The following RBFOX2 variants were observed in gnomAD, a reference collection of about 807,000 sequenced individuals.
RBFOX2 encodes the protein RNA binding protein fox-1 homolog 2.
Under a neutral mutation model 49.1 loss-of-function variants are expected in RBFOX2, and 10 were observed. That is an observed-to-expected ratio of 0.20 (90% CI 0.13 to 0.35). The LOEUF (loss-of-function observed/expected upper bound fraction) is 0.35. RBFOX2 is among the 10% of genes least tolerant of loss of function. The probability of loss-of-function intolerance (pLI) is 1.00; values close to 1 mark genes in which losing one functional copy is unlikely to be tolerated. For missense variants in RBFOX2, 323 were observed against 486.9 expected (o/e 0.66, Z 3.17); for synonymous variants, 183 against 187.4 (o/e 0.98, Z 0.19).
At chr22:35,884,504 C>G (rs751067107) in intron 1 of RBFOX2, among the ~76,000 whole-genome samples, 50 of 152,270 alleles carry the variant, frequency 3.3e-4, no homozygotes, top group Non-Finnish European at 2.2e-4. Flanking sequence ...AACTCACTCA[C>G]CTGGCTGCTG....
intron 2 of RBFOX2, among the ~76,000 whole-genome samples, chr22:35,796,527 GA>G (rs760081516): frequency 3.3e-4 from 50 of 152,112 alleles, no homozygotes; most frequent in Non-Finnish European, 7.2e-4. Context: ...AGCCTTCTCA[GA>G]AAACTGTGGA....
At chr22:35,837,007 C>G (rs1957797191) in intron 1 of RBFOX2, among the ~76,000 whole-genome samples, 1 of 152,116 alleles carries the variant, frequency 6.6e-6, no homozygotes, top group Non-Finnish European at 1.5e-5. Context: ...TACACATGAA[C>G]AGCCGATAAA....
chr22:35,818,379 T>C (rs1380249950), intron 1 of RBFOX2, among the ~76,000 whole-genome samples: 1 of 152,250 alleles, frequency 6.6e-6, no homozygotes, highest in Non-Finnish European at 1.5e-5. Flanking sequence ...ACACAATCCA[T>C]GGAAAATTAT....
chr22:36,028,110 C>G, intron 1 of RBFOX2, 130 bp downstream of exon 1: 1 of 1,295,236 alleles, frequency 7.7e-7, no homozygotes, highest in Non-Finnish European at 9.8e-7. Context: ...CAACCAGGCC[C>G]CGAATGGCCC....
intron 2 of RBFOX2, among the ~76,000 whole-genome samples, chr22:35,798,456 A>G (rs1949175246): frequency 6.6e-6 from 1 of 152,248 alleles, no homozygotes; most frequent in Non-Finnish European, 1.5e-5. Context: ...CCTGTATTTA[A>G]ATCCTCACAC....
chr22:35,767,865 T>C (rs572036133), intron 5 of RBFOX2, among the ~76,000 whole-genome samples: 46 of 152,312 alleles, frequency 3.0e-4, no homozygotes, highest in Non-Finnish European at 4.9e-4. Context: ...TGTTATAAAC[T>C]GGATAGTTTT....
chr22:35,826,792 A>G (rs773760013), intron 1 of RBFOX2, among the ~76,000 whole-genome samples: 2 of 152,212 alleles, frequency 1.3e-5, no homozygotes, highest in Non-Finnish European at 2.9e-5. Flanking sequence ...TTAACAAATC[A>G]GGCACAGTAA....
At chr22:35,849,330 C>CACACAG (rs2041632023) in intron 1 of RBFOX2, among the ~76,000 whole-genome samples, 1 of 150,084 alleles carries the variant, frequency 6.7e-6, no homozygotes, top group Non-Finnish European at 1.5e-5. Flanking sequence ...CACACACACA[C>CACACAG]ACAGACACAC....
chr22:35,892,022 C>T (rs779474621), intron 1 of RBFOX2, among the ~76,000 whole-genome samples: 1 of 152,018 alleles, frequency 6.6e-6, no homozygotes, highest in Non-Finnish European at 1.5e-5. Context: ...TCAAAGATAC[C>T]CTCAACGTGA....
At chr22:35,894,541 T>C (rs1369168604) in intron 1 of RBFOX2, among the ~76,000 whole-genome samples, 4 of 152,116 alleles carry the variant, frequency 2.6e-5, no homozygotes, top group Non-Finnish European at 5.9e-5. Flanking sequence ...CTGCCCCACT[T>C]GCCTTCTCCA....
intron 1 of RBFOX2, among the ~76,000 whole-genome samples, chr22:35,900,173 G>C (rs758411241): frequency 7.9e-5 from 12 of 152,068 alleles, no homozygotes; most frequent in Non-Finnish European, 1.5e-4. Context: ...GAGTGCAGTG[G>C]CATGATCTCG....
At chr22:35,791,322 T>A (rs1260102332) in intron 2 of RBFOX2, among the ~76,000 whole-genome samples, 1 of 150,452 alleles carries the variant, frequency 6.6e-6, no homozygotes, top group East Asian at 2.0e-4. Context: ...GAGATGGAGG[T>A]TGCAGTGAGC....
At chr22:35,876,701 AACACACACACACACACAC>A (rs142455818) in intron 1 of RBFOX2, among the ~76,000 whole-genome samples, 2 of 140,456 alleles carry the variant, frequency 1.4e-5, no homozygotes, top group South Asian at 2.3e-4. Flanking sequence ...CATTAAAAGA[AACACACACACACACACAC>A]ACACACACAC....
chr22:35,876,384 T>C (rs1603430482), intron 1 of RBFOX2, among the ~76,000 whole-genome samples: 1 of 152,104 alleles, frequency 6.6e-6, no homozygotes, highest in South Asian at 2.1e-4. Context: ...AGCATTTTAG[T>C]GGTCTTTATT....
At chr22:35,970,477 A>T (rs1430793427) in intron 1 of RBFOX2, among the ~76,000 whole-genome samples, 1 of 138,266 alleles carries the variant, frequency 7.2e-6, no homozygotes, top group Non-Finnish European at 1.5e-5. Flanking sequence ...AGTGAGACCC[A>T]TCTCAAAAAA....
rs9607288 is a variant in RBFOX2, at chr22:35,813,446, A to G, written c.28-3442T>C. 6.0e-3 allele frequency among the ~76,000 whole-genome samples: 910 copies of G among 152,332 alleles called. 6 individuals carry two copies. The highest frequency in any genetic ancestry group is 0.027 in the Middle Eastern group (8 of 294). ...AGGCTAAGCTGCTTAAGTATATCTC[A>G]TCTGAGAAAAGAAATTACTAGCTTT... On this transcript the variant is annotated intron_variant, in intron 1 of 11. Coordinates refer to ENST00000405409, the Ensembl canonical transcript of RBFOX2.
intron 2 of RBFOX2, among the ~76,000 whole-genome samples, chr22:35,792,976 C>G (rs548901200): frequency 1.3e-5 from 2 of 152,320 alleles, no homozygotes; most frequent in South Asian, 2.1e-4. Flanking sequence ...GTTGCCCAGG[C>G]TGGTCTCAAA....
At chr22:35,754,009 C>A (rs1292547100) in intron 9 of RBFOX2, among the ~76,000 whole-genome samples, 2 of 151,292 alleles carry the variant, frequency 1.3e-5, no homozygotes, top group African/African-American at 4.9e-5. Flanking sequence ...TCTCGTACTC[C>A]TGACTTCAAG....
Position 35,906,477 on chromosome 22 carries a change from C to G in RBFOX2, c.-34+32370G>C, listed in dbSNP as rs190670874. On this transcript the variant is annotated intron_variant, in intron 1 of 13. Coordinates refer to the RBFOX2 transcript ENST00000359369. ...AAAAAAAATCACACTTTTTCCTTTACCAATGGTCAGATATTTAAATATTTC... is the reference window on the plus strand; with the variant it reads ...AAAAAAAATCACACTTTTTCCTTTAGCAATGGTCAGATATTTAAATATTTC... Among the ~76,000 whole-genome samples the G allele has an allele frequency of 2.4e-4, 37 of 152,224 alleles. No homozygotes were observed. The East Asian group carries it at 6.4e-3, about 26-fold the overall frequency.
Sources: allele counts gnomAD v4.1 joint callset (sites outside exome capture counted in the v4.1 genomes callset), GRCh38; gene constraint gnomAD v4.1.1; transcripts MANE v1.5; gene names NCBI Gene and HGNC (gene_info 2026-07-23, HGNC 2026-07-21).